Variants in SDCCAG8 observed in about 807,000 individuals in gnomAD.
The protein encoded by SDCCAG8 is serologically defined colon cancer antigen 8.
SDCCAG8 carries 74 observed loss-of-function variants against 101.8 expected under a neutral mutation model. The observed-to-expected ratio is 0.73, with a 90% CI of 0.60 to 0.88. SDCCAG8 has a LOEUF of 0.88. SDCCAG8 is among the 40% of genes least tolerant of loss of function. SDCCAG8 has a pLI of 0.00. For synonymous variants in SDCCAG8, 281 were observed against 292.9 expected (o/e 0.96, Z 0.41); for missense variants, 787 against 822.6 (o/e 0.96, Z 0.53).
At chr1:243,433,500 G>C (rs2081939485) in intron 16 of SDCCAG8, among the ~76,000 whole-genome samples, 1 of 152,160 alleles carries the variant, frequency 6.6e-6, no homozygotes, top group African/African-American at 2.4e-5. Flanking sequence ...GGTCACTCCT[G>C]GCTGCTGCCA....
intron 12 of SDCCAG8, among the ~76,000 whole-genome samples, chr1:243,357,294 G>T (rs1322161958): frequency 6.6e-6 from 1 of 151,726 alleles, no homozygotes; most frequent in African/African-American, 2.4e-5. Context: ...CAAGAGAATC[G>T]CTTGAACCTG....
chr1:243,328,054 C>T (rs966554227), intron 9 of SDCCAG8, among the ~76,000 whole-genome samples: 1 of 151,758 alleles, frequency 6.6e-6, no homozygotes, highest in Non-Finnish European at 1.5e-5. Flanking sequence ...AGGTGCCCGC[C>T]GCCACACCCG....
intron 16 of SDCCAG8, among the ~76,000 whole-genome samples, chr1:243,430,209 C>G (rs1328972294): frequency 6.6e-6 from 1 of 152,062 alleles, no homozygotes; most frequent in African/African-American, 2.4e-5. Context: ...GGGATTAGAT[C>G]AGGAATTGGC....
At chr1:243,465,550 A>G (rs888720710) in intron 16 of SDCCAG8, among the ~76,000 whole-genome samples, 1 of 152,166 alleles carries the variant, frequency 6.6e-6, no homozygotes, top group Non-Finnish European at 1.5e-5. Flanking sequence ...GGATTTATTC[A>G]CCTCATCCTT....
In SDCCAG8 at chr1:243,269,378, C is replaced by T. The variant is rs894647772; in HGVS notation, c.68-727C>T. ...AGTGCAGTGGTGCGATCTCGGCTCGCTGCAACCCCTTGGAGGCTATTTTTA... is the reference window on the plus strand; with the variant it reads ...AGTGCAGTGGTGCGATCTCGGCTCGTTGCAACCCCTTGGAGGCTATTTTTA... On this transcript the variant is annotated intron_variant, in intron 1 of 17. Coordinates refer to ENST00000366541, the MANE Select transcript of SDCCAG8 (RefSeq NM_006642.5). Among the ~76,000 whole-genome samples, 9 of 150,374 alleles carry T rather than the reference C, an allele frequency of 6.0e-5. No individual in the cohort carries two copies. The South Asian group carries it at 8.4e-4, about 14-fold the overall frequency.
intron 16 of SDCCAG8, among the ~76,000 whole-genome samples, chr1:243,468,913 A>C (rs1318449387): frequency 2.6e-5 from 4 of 152,220 alleles, no homozygotes; most frequent in African/African-American, 9.6e-5. Flanking sequence ...GCTCTGAAGC[A>C]CCCTGTGAAA....
intron 15 of SDCCAG8, among the ~76,000 whole-genome samples, chr1:243,425,192 A>G (rs1307931006): frequency 6.6e-6 from 1 of 152,144 alleles, no homozygotes; most frequent in Non-Finnish European, 1.5e-5. Flanking sequence ...GGTAGGAAAG[A>G]CAAGGCACAG....
rs959585740 is a variant in SDCCAG8, at chr1:243,274,657, G to C, written c.420+1G>C. On this transcript the variant is annotated splice_donor_variant, in intron 4 of 17. Transcript: ENST00000366541. LOFTEE classifies it high-confidence loss of function. ...AGAGGCAGAAGTTAAGTTCTGCAAG[G>C]TAAGTTTCTCATTAAGAATTTAAAA... 5 of 1,520,664 alleles carry C rather than the reference G, an allele frequency of 3.3e-6. No individual in the cohort carries two copies. The Admixed American group carries it at 5.0e-5, about 15-fold the overall frequency. The allele number at this position is 1,520,664 out of a possible 1,614,324, so 94.2% of individuals were successfully genotyped here. A position where few individuals can be genotyped will look rare whatever the true frequency, so the allele number is the denominator to read the frequency against.
intron 1 of SDCCAG8, among the ~76,000 whole-genome samples, 166 bp downstream of exon 1, chr1:243,256,406 GTTTT>G (rs1222500322): frequency 2.0e-5 from 3 of 152,210 alleles, no homozygotes; most frequent in Non-Finnish European, 4.4e-5. Flanking sequence ...GTTTGATTTA[GTTTT>G]TACAGTTAAG....
chr1:243,494,977 G>A (rs1316903968), intron 17 of SDCCAG8, among the ~76,000 whole-genome samples: 1 of 152,202 alleles, frequency 6.6e-6, no homozygotes, highest in Non-Finnish European at 1.5e-5. Flanking sequence ...TCCACTCTCT[G>A]CTGTTGGTGA....
intron 16 of SDCCAG8, among the ~76,000 whole-genome samples, chr1:243,479,901 A>G (rs1663128197): frequency 6.6e-6 from 1 of 152,022 alleles, no homozygotes; most frequent in Non-Finnish European, 1.5e-5. Flanking sequence ...AGAGTCATCC[A>G]GGGGCCTTAT....
chr1:243,411,734 A>G (rs530083847), intron 13 of SDCCAG8, among the ~76,000 whole-genome samples: 1 of 152,092 alleles, frequency 6.6e-6, no homozygotes, highest in Non-Finnish European at 1.5e-5. Flanking sequence ...ACTGCTTTTG[A>G]GGTTCAGCCA....
intron 13 of SDCCAG8, among the ~76,000 whole-genome samples, chr1:243,385,454 T>C (rs1352860915): frequency 6.6e-6 from 1 of 151,956 alleles, no homozygotes; most frequent in Non-Finnish European, 1.5e-5. Flanking sequence ...AATGATAAGA[T>C]CCAGAAGGGA....
At chr1:243,311,481 A>C (rs2072719812) in intron 8 of SDCCAG8, among the ~76,000 whole-genome samples, 1 of 152,238 alleles carries the variant, frequency 6.6e-6, no homozygotes, top group South Asian at 2.1e-4. Context: ...AATGAAATTG[A>C]AAGGGTGTCA....
intron 12 of SDCCAG8, among the ~76,000 whole-genome samples, chr1:243,364,116 T>G (rs1447881547): frequency 6.6e-6 from 1 of 152,180 alleles, no homozygotes; most frequent in Non-Finnish European, 1.5e-5. Flanking sequence ...AAGGATTTTT[T>G]TTTCAATCAG....
At chr1:243,259,380 C>G (rs529091758) in intron 1 of SDCCAG8, among the ~76,000 whole-genome samples, 1 of 151,982 alleles carries the variant, frequency 6.6e-6, no homozygotes. Context: ...GCACTCCAGC[C>G]TGGGCGACAG....
intron 13 of SDCCAG8, among the ~76,000 whole-genome samples, chr1:243,396,525 A>C (rs748202224): frequency 6.6e-6 from 1 of 152,234 alleles, no homozygotes; most frequent in East Asian, 1.9e-4. Flanking sequence ...TAAGCCTTTC[A>C]GTGTAAAATT....
At chr1:243,463,210 G>A (rs946485879) in intron 16 of SDCCAG8, among the ~76,000 whole-genome samples, 12 of 152,246 alleles carry the variant, frequency 7.9e-5, no homozygotes, top group Non-Finnish European at 1.6e-4. Flanking sequence ...GAGGCAGACA[G>A]TCATAGTGCA....
chr1:243,266,943 C>CAAAAA (rs376247572), intron 1 of SDCCAG8, among the ~76,000 whole-genome samples: 1 of 100,608 alleles, frequency 9.9e-6, no homozygotes. Context: ...AACTTCGTCT[C>CAAAAA]AAAAAAAAAA....
Sources: gnomAD v4.1 joint callset for allele counts (sites outside exome capture counted in the v4.1 genomes callset) on GRCh38, gnomAD v4.1.1 for gene constraint, MANE v1.5 for transcripts, NCBI Gene and HGNC (gene_info 2026-07-23, HGNC 2026-07-21) for gene names.